The following SLC28A1 variants were observed in gnomAD, a reference collection of about 807,000 sequenced individuals.
SLC28A1 encodes sodium/nucleoside cotransporter 1.
SLC28A1 carries 64 observed loss-of-function variants against 74.8 expected under a neutral mutation model. The observed-to-expected ratio is 0.86, with a 90% CI of 0.70 to 1.05. The LOEUF (loss-of-function observed/expected upper bound fraction) is 1.05. SLC28A1 is among the 50% of genes least tolerant of loss of function. The pLI is 0.00. For synonymous variants in SLC28A1, 359 were observed against 335.0 expected (o/e 1.07, Z -0.78); for missense variants, 828 against 822.8 (o/e 1.01, Z -0.08).
chr15:84,933,276 G>A lies in SLC28A1; in HGVS notation c.1214+1G>A. 6.2e-7 allele frequency: 1 copy of A among 1,612,824 alleles called. No homozygotes were observed. Among genetic ancestry groups the A allele is most frequent in the Non-Finnish European group, 8.5e-7 (1 of 1,179,296 alleles). On this transcript the variant is annotated splice_donor_variant, in intron 13 of 18. Transcript: ENST00000394573. LOFTEE classifies it high-confidence loss of function. ...AGGAAGGAGTGAAACTGACCTATGG[G>A]TGAGCACAGCAGGAGGTCCTGCAGA...
At chr15:84,968,096 C>T in the SLC28A1 span, among the ~76,000 whole-genome samples, 4 of 152,178 alleles carry the variant, frequency 2.6e-5, no homozygotes, top group Non-Finnish European at 2.9e-5. Context: ...GAAGCCTGTA[C>T]AGGTAAGCAG....
intron 1 of SLC28A1, among the ~76,000 whole-genome samples, chr15:84,885,645 C>T (rs555443542): frequency 6.8e-4 from 102 of 150,770 alleles, no homozygotes; most frequent in Non-Finnish European, 6.3e-4. Context: ...GCAGGAGAAT[C>T]GCTTGAACTT....
At chr15:84,920,913 G>A in intron 10 of SLC28A1, 76 bp from the exon 11 acceptor site, 2 of 1,131,770 alleles carry the variant, frequency 1.8e-6, no homozygotes, top group Non-Finnish European at 1.3e-6. Context: ...AACTGTGTAA[G>A]GTCTTCCACT....
chr15:84,935,285 C>T (rs909051454), intron 14 of SLC28A1, 36 bp from the exon 15 acceptor site: 2 of 1,613,188 alleles, frequency 1.2e-6, no homozygotes, highest in Non-Finnish European at 8.5e-7. Context: ...AGCCCAGGCC[C>T]AGCCCTCGGT....
Position 84,895,586 on chromosome 15 carries a change from TTTCAAACTGGATTCC to T in SLC28A1, c.461+466_461+480del, listed in dbSNP as rs1965909605. On this transcript the variant is annotated intron_variant, in intron 6 of 18. Transcript: ENST00000394573. ...GGACAACAGTTTGAGATCTGCTGCT[TTTCAAACTGGATTCC>T]TTGGAGCGCTGGAAATCTCAGCGAT... is the stretch of plus-strand genomic sequence containing the variant. 1.8e-5 allele frequency: 28 copies of T among 1,518,468 alleles called. No individual in the cohort carries two copies. The South Asian group carries it at 3.1e-4, about 17-fold the overall frequency. The allele number at this position is 1,518,468 out of a possible 1,614,324, so 94.1% of individuals were successfully genotyped here. A position where few individuals can be genotyped will look rare whatever the true frequency, so the allele number is the denominator to read the frequency against.
At chr15:84,951,050 G>T in the SLC28A1 span, among the ~76,000 whole-genome samples, 1 of 152,204 alleles carries the variant, frequency 6.6e-6, no homozygotes, top group Non-Finnish European at 1.5e-5. Context: ...ACACGTTCTT[G>T]GTATATTTCA....
intron 15 of SLC28A1, among the ~76,000 whole-genome samples, chr15:84,943,019 C>T (rs4843010): frequency 0.67 from 101,294 of 151,788 alleles, 34,137 homozygotes; most frequent in Middle Eastern, 0.87. Context: ...ACCCCATCTC[C>T]GCTAAAAATA....
chr15:84,959,762 T>G, the SLC28A1 span, among the ~76,000 whole-genome samples: 3 of 152,368 alleles, frequency 2.0e-5, no homozygotes, highest in East Asian at 3.9e-4. Context: ...CATTTTTCTT[T>G]GTCCATGTGC....
the SLC28A1 span, among the ~76,000 whole-genome samples, chr15:84,951,452 A>G: frequency 4.5e-4 from 68 of 150,246 alleles, no homozygotes; most frequent in South Asian, 6.3e-4. Context: ...AAAAAAAAAA[A>G]AGAAGGAGTC....
At chr15:84,905,991 C>A (rs371954419) in intron 8 of SLC28A1, among the ~76,000 whole-genome samples, 1 of 149,096 alleles carries the variant, frequency 6.7e-6, no homozygotes, top group South Asian at 2.1e-4. Context: ...TTAAAAATAA[C>A]GTTTATTGAA....
At chr15:84,963,263 C>T in the SLC28A1 span, among the ~76,000 whole-genome samples, 1 of 152,200 alleles carries the variant, frequency 6.6e-6, no homozygotes, top group African/African-American at 2.4e-5. Flanking sequence ...TGCTCACCAA[C>T]AAGCAGTGCC....
chr15:84,889,514 C>G (rs1965024482), intron 4 of SLC28A1, among the ~76,000 whole-genome samples: 1 of 152,086 alleles, frequency 6.6e-6, no homozygotes, highest in Admixed American at 6.6e-5. Context: ...AGGTGAGGCT[C>G]CTTAAAATGG....
chr15:84,914,131 G>T (rs923456983), intron 9 of SLC28A1, among the ~76,000 whole-genome samples: 2 of 151,942 alleles, frequency 1.3e-5, no homozygotes, highest in Admixed American at 1.3e-4. Context: ...TTGAATTTTG[G>T]TAGATACAGG....
downstream of SLC28A1, among the ~76,000 whole-genome samples, chr15:84,949,161 A>G (rs781613209): frequency 2.0e-5 from 3 of 152,142 alleles, no homozygotes; most frequent in Non-Finnish European, 2.9e-5. Context: ...TCCTCACATA[A>G]CACATAGCAG....
chr15:84,916,216 C>T (rs1371479304), intron 9 of SLC28A1, among the ~76,000 whole-genome samples: 4 of 123,180 alleles, frequency 3.2e-5, no homozygotes, highest in Admixed American at 1.6e-4. Context: ...CCACCTGCCT[C>T]GGCCTCCCAA....
intron 5 of SLC28A1, among the ~76,000 whole-genome samples, chr15:84,893,474 C>T (rs565400429): frequency 6.6e-6 from 1 of 152,292 alleles, no homozygotes; most frequent in Admixed American, 6.5e-5. Flanking sequence ...TATAACTCAA[C>T]TTATCTTCTC....
intron 8 of SLC28A1, among the ~76,000 whole-genome samples, chr15:84,908,015 G>A (rs1473449728): frequency 6.6e-6 from 1 of 152,128 alleles, no homozygotes; most frequent in Non-Finnish European, 1.5e-5. Context: ...GCTGGGCTCA[G>A]ACTCCAAGGC....
chr15:84,921,220 CTGTT>C (rs1173394542), intron 11 of SLC28A1, 151 bp downstream of exon 11: 2 of 712,262 alleles, frequency 2.8e-6, no homozygotes, highest in African/African-American at 1.7e-5. Flanking sequence ...CAGGGATACT[CTGTT>C]TGGGGGATGC....
At chr15:84,938,634 A>G (rs932846543) in intron 15 of SLC28A1, 1 of 152,156 alleles carries the variant, frequency 6.6e-6, no homozygotes, top group Non-Finnish European at 1.5e-5. Context: ...TTACACAGAC[A>G]TGGCTCTGGT....
Sources: gnomAD v4.1 joint callset for allele counts (sites outside exome capture counted in the v4.1 genomes callset) on GRCh38, gnomAD v4.1.1 for gene constraint, MANE v1.5 for transcripts, NCBI Gene and HGNC (gene_info 2026-07-23, HGNC 2026-07-21) for gene names.